The following ERBB4 variants were observed in gnomAD, a reference collection of about 807,000 sequenced individuals.
ERBB4 encodes the protein erb-b2 receptor tyrosine kinase 4.
Under a neutral mutation model 158.0 loss-of-function variants are expected in ERBB4, and 42 were observed. That is an observed-to-expected ratio of 0.27 (90% CI 0.21 to 0.34). The LOEUF (loss-of-function observed/expected upper bound fraction) is 0.34, where lower values mean the gene tolerates loss of function less well. Among genes scored for constraint, ERBB4 ranks in the 10% least tolerant of loss-of-function variants. The pLI is 1.00. For synonymous variants in ERBB4, 583 were observed against 558.7 expected (o/e 1.04, Z -0.61); for missense variants, 1,333 against 1,624.1 (o/e 0.82, Z 3.08).
intron 3 of ERBB4, among the ~76,000 whole-genome samples, chr2:211,905,496 T>C (rs927365996): frequency 6.6e-6 from 1 of 151,662 alleles, no homozygotes; most frequent in African/African-American, 2.4e-5. Context: ...GAGGAGCCAT[T>C]ATTTTGACTA....
chr2:212,286,767 ATTTTTTTT>A (rs748586400), intron 1 of ERBB4, among the ~76,000 whole-genome samples: 3 of 39,560 alleles, frequency 7.6e-5, no homozygotes, highest in African/African-American at 2.2e-4. Flanking sequence ...ATGAGGGTTA[ATTTTTTTT>A]TTTTTTTTTT....
intron 3 of ERBB4, among the ~76,000 whole-genome samples, chr2:211,793,777 C>T (rs2105870552): frequency 6.6e-6 from 1 of 151,972 alleles, no homozygotes; most frequent in Admixed American, 6.6e-5. Flanking sequence ...TGCTGCTACC[C>T]CACTGGGTCA....
intron 20 of ERBB4, among the ~76,000 whole-genome samples, chr2:211,528,601 T>G (rs7564357): frequency 6.6e-6 from 1 of 152,072 alleles, no homozygotes; most frequent in Non-Finnish European, 1.5e-5. Flanking sequence ...ATAGATCATA[T>G]GTTATGGCAC....
chr2:211,478,251 T>G (rs1452282928), intron 20 of ERBB4, among the ~76,000 whole-genome samples: 1 of 152,158 alleles, frequency 6.6e-6, no homozygotes, highest in Non-Finnish European at 1.5e-5. Flanking sequence ...AGCTTACAGT[T>G]AAAACAAACA....
intron 3 of ERBB4, among the ~76,000 whole-genome samples, chr2:211,914,455 T>C (rs532712877): frequency 2.1e-4 from 32 of 152,220 alleles, no homozygotes; most frequent in Middle Eastern, 3.4e-3. Flanking sequence ...TTTTAAAATT[T>C]TGATTTAAAG....
intron 1 of ERBB4, among the ~76,000 whole-genome samples, chr2:212,227,573 CTT>C: frequency 1.3e-5 from 2 of 152,202 alleles, no homozygotes; most frequent in Middle Eastern, 6.8e-3. Flanking sequence ...AAAATAACTG[CTT>C]TCTTACTCCT....
chr2:212,347,012 G>A (rs764415785), intron 1 of ERBB4, among the ~76,000 whole-genome samples: 7 of 152,042 alleles, frequency 4.6e-5, no homozygotes, highest in Non-Finnish European at 7.4e-5. Context: ...CTTTGGAGTT[G>A]GCAGAACATG....
intron 19 of ERBB4, among the ~76,000 whole-genome samples, chr2:211,593,400 A>C (rs924191515): frequency 6.6e-6 from 1 of 152,174 alleles, no homozygotes; most frequent in Admixed American, 6.5e-5. Flanking sequence ...TGCAAGGCAA[A>C]TCTATCTTAA....
chr2:212,128,741 A>G (rs996667679), intron 1 of ERBB4, among the ~76,000 whole-genome samples: 9 of 152,216 alleles, frequency 5.9e-5, no homozygotes, highest in African/African-American at 1.7e-4. Context: ...TTACAGTATC[A>G]TTCCTAACCA....
At chr2:211,966,198 A>G (rs1228937682) in intron 2 of ERBB4, among the ~76,000 whole-genome samples, 1 of 152,170 alleles carries the variant, frequency 6.6e-6, no homozygotes, top group Non-Finnish European at 1.5e-5. Flanking sequence ...TGGGCAACAG[A>G]GTGAGACCCT....
chr2:211,432,288 C>A (rs1237640446), intron 20 of ERBB4, among the ~76,000 whole-genome samples: 1 of 152,118 alleles, frequency 6.6e-6, no homozygotes, highest in African/African-American at 2.4e-5. Flanking sequence ...ACACATAAAT[C>A]ACACAGGTCA....
chr2:212,216,932 A>T (rs927925832), intron 1 of ERBB4, among the ~76,000 whole-genome samples: 5 of 151,396 alleles, frequency 3.3e-5, no homozygotes, highest in Non-Finnish European at 5.9e-5. Flanking sequence ...TTTAAAAAAT[A>T]AATTATGCAC....
chr2:212,258,078 C>T (rs2084805068), intron 1 of ERBB4, among the ~76,000 whole-genome samples: 1 of 151,954 alleles, frequency 6.6e-6, no homozygotes, highest in African/African-American at 2.4e-5. Context: ...TACTTGTGTA[C>T]AAAACTATTT....
chr2:211,679,194 A>AC lies in ERBB4; in HGVS notation c.1490-11dup. The AC allele has an allele frequency of 1.2e-6, 2 of 1,613,558 alleles. No homozygotes were observed. Among genetic ancestry groups the AC allele is most frequent in the Non-Finnish European group, 1.7e-6 (2 of 1,179,654 alleles). On this transcript the variant is annotated splice_polypyrimidine_tract_variant and intron_variant, in intron 12 of 27. Transcript: ENST00000342788. The stretch of plus-strand genomic sequence containing the variant: ...ACCATTCCTTCAGCAGCTGTGAAAC[A>AC]CCAAAATCAAGGGGAAATAAAACAG...
intron 3 of ERBB4, among the ~76,000 whole-genome samples, chr2:211,844,845 C>T (rs1394992771): frequency 6.6e-6 from 1 of 152,074 alleles, no homozygotes; most frequent in Non-Finnish European, 1.5e-5. Context: ...ATATTCAATG[C>T]CTGAGATTAC....
chr2:211,832,119 A>C (rs1040170816), intron 3 of ERBB4, among the ~76,000 whole-genome samples: 4 of 152,190 alleles, frequency 2.6e-5, no homozygotes, highest in African/African-American at 9.6e-5. Context: ...ATAAAAATTC[A>C]TATAGCTACT....
chr2:212,167,974 G>A (rs1214108048), intron 1 of ERBB4, among the ~76,000 whole-genome samples: 1 of 151,752 alleles, frequency 6.6e-6, no homozygotes, highest in Non-Finnish European at 1.5e-5. Context: ...CTTAGAGGAT[G>A]GGTCAATAGG....
chr2:211,807,645 T>G (rs2076651344), intron 3 of ERBB4, among the ~76,000 whole-genome samples: 1 of 152,198 alleles, frequency 6.6e-6, no homozygotes, highest in Non-Finnish European at 1.5e-5. Context: ...GTATAATCCT[T>G]TGGGTATATA....
chr2:211,856,671 G>A (rs2077874184), intron 3 of ERBB4, among the ~76,000 whole-genome samples: 1 of 152,092 alleles, frequency 6.6e-6, no homozygotes, highest in South Asian at 2.1e-4. Flanking sequence ...ACAGGCGTGA[G>A]CCACTGCGCC....
Sources: gnomAD v4.1 joint callset for allele counts (sites outside exome capture counted in the v4.1 genomes callset) on GRCh38, gnomAD v4.1.1 for gene constraint, MANE v1.5 for transcripts, NCBI Gene and HGNC (gene_info 2026-07-23, HGNC 2026-07-21) for gene names.